CCN3: variants seen among roughly 807,000 people sequenced by gnomAD.
CCN3 encodes cellular communication network factor 3, also known as CCN family member 3.
CCN3 carries 20 observed loss-of-function variants against 33.4 expected under a neutral mutation model. That is an observed-to-expected ratio of 0.60 (90% confidence interval 0.42 to 0.87). CCN3 has a LOEUF of 0.87. Ranked by LOEUF, CCN3 falls within the 40% of genes least tolerant of loss-of-function variation. The pLI is 0.00. For synonymous variants in CCN3, 205 were observed against 170.4 expected (o/e 1.20, Z -1.58); for missense variants, 465 against 455.3 (o/e 1.02, Z -0.19).
intron 4 of CCN3, among the ~76,000 whole-genome samples, chr8:119,421,558 A>T (rs1420807300): frequency 1.3e-5 from 2 of 152,268 alleles, no homozygotes; most frequent in Non-Finnish European, 2.9e-5. Context: ...GAAGGTGAAC[A>T]GTGGATAACT....
chr8:119,422,859 C>A lies in CCN3; in HGVS notation c.801C>A (p.Thr267=), dbSNP rs758169168. The A allele has an allele frequency of 5.6e-6, 9 of 1,608,628 alleles. No homozygotes were observed. The highest frequency in any genetic ancestry group is 5.5e-5 in the South Asian group (5 of 90,872). ...AGAAAGGAAAAAAGTGTCTCCGCAC[C>A]AAGAAGTCACTCAAAGCCATCCACC... ...TDKKGKKCLR[T]KKSLKAIHLQ... The change falls in exon 5 of 5, where the codon ACC becomes ACA. Residue 267 remains threonine, a synonymous_variant. Transcript: ENST00000259526.
chr8:119,416,544 G>A lies in CCN3; in HGVS notation c.12G>A (p.Val4=). The A allele has an allele frequency of 6.2e-7, 1 of 1,613,980 alleles. No individual in the cohort carries two copies. The highest frequency in any genetic ancestry group is 8.5e-7 in the Non-Finnish European group (1 of 1,179,962). ...GGGAAAGCCTGAGCATGCAGAGTGT[G>A]CAGAGCACGAGCTTTTGTCTCCGAA... MQS[V]QSTSFCLRKQ... The change falls in exon 1 of 5, where the codon GTG becomes GTA. Residue 4 remains valine, a synonymous_variant. Transcript: ENST00000259526.
chr8:119,422,548 G>A (rs546297065), intron 4 of CCN3, among the ~76,000 whole-genome samples: 5 of 152,248 alleles, frequency 3.3e-5, no homozygotes, highest in African/African-American at 1.2e-4. Flanking sequence ...CAGGAAGAAA[G>A]GAAAATGAAT....
intron 3 of CCN3, among the ~76,000 whole-genome samples, chr8:119,418,840 T>A (rs1820087440): frequency 6.6e-6 from 1 of 152,174 alleles, no homozygotes; most frequent in South Asian, 2.1e-4. Context: ...TGAAATAGTT[T>A]AAATAAAAAA....
In CCN3 at chr8:119,417,952, G is replaced by A. The variant is rs1316957757; in HGVS notation, c.311-106G>A. The A allele has an allele frequency of 1.4e-5, 16 of 1,171,888 alleles. No individual in the cohort carries two copies. In the East Asian group the frequency reaches 3.8e-4, roughly 28 times the overall value. 72.6% of individuals were successfully genotyped at this position (1,171,888 alleles called of 1,614,324 possible). A position where few individuals can be genotyped will look rare whatever the true frequency, so the allele number is the denominator to read the frequency against. ...GATCGCCTGAACTAGAAAAGGACTT[G>A]GGTTTTGGAACATGCCCTCCAAATC... On this transcript the variant is annotated intron_variant, in intron 2 of 4. Coordinates refer to ENST00000259526, the MANE Select transcript of CCN3 (RefSeq NM_002514.4).
intron 4 of CCN3, among the ~76,000 whole-genome samples, chr8:119,421,971 A>T (rs1264470305): frequency 6.6e-6 from 1 of 152,226 alleles, no homozygotes; most frequent in East Asian, 1.9e-4. Context: ...TTTTTATAAC[A>T]TGTTGTATTA....
intron 4 of CCN3, among the ~76,000 whole-genome samples, chr8:119,421,523 C>T (rs1409216520): frequency 6.6e-6 from 1 of 152,154 alleles, no homozygotes; most frequent in Non-Finnish European, 1.5e-5. Flanking sequence ...GTCTAATCAC[C>T]CCACAAGCTG....
At position 119,418,274 on chromosome 8, in the gene CCN3, A is replaced by G. The variant is rs774707884; in HGVS notation, c.527A>G (p.Asp176Gly). The change falls in exon 3 of 5, where the codon GAT (aspartate) becomes GGT (glycine). Residue 176 changes from aspartate (D) to glycine (G), a missense_variant. Coordinates refer to ENST00000259526, the MANE Select transcript of CCN3 (RefSeq NM_002514.4). ...ECCEKWICGP[D>G]EEDSLGGLTL... Reference sequence around the variant, plus strand: ...TGTGAAAAGTGGATCTGTGGCCCAGATGAGGAGGATTCACTGGGAGGCCTT... The same window carrying G: ...TGTGAAAAGTGGATCTGTGGCCCAGGTGAGGAGGATTCACTGGGAGGCCTT... 10 of 1,614,038 alleles carry G rather than the reference A, an allele frequency of 6.2e-6. No individual in the cohort carries two copies. The Admixed American group carries it at 1.7e-4, about 27-fold the overall frequency.
chr8:119,419,093 G>T (rs1308484895), intron 3 of CCN3, 38 bp from the exon 4 acceptor site: 17 of 1,536,740 alleles, frequency 1.1e-5, no homozygotes, highest in Non-Finnish European at 1.5e-5. Flanking sequence ...TCCTCACATT[G>T]TACCTAATAT....
chr8:119,421,925 T>C (rs1159038374), intron 4 of CCN3, among the ~76,000 whole-genome samples: 1 of 152,236 alleles, frequency 6.6e-6, no homozygotes, highest in Admixed American at 6.5e-5. Context: ...TGAAGAGTAT[T>C]TGAAACATAA....
At position 119,419,306 on chromosome 8, in the gene CCN3, G is replaced by A. The variant is rs777234634; in HGVS notation, c.738G>A (p.Val246=). The A allele has an allele frequency of 6.1e-5, 99 of 1,613,930 alleles. No individual in the cohort carries two copies. Among genetic ancestry groups the A allele is most frequent in the Non-Finnish European group, 8.2e-5 (97 of 1,180,040 alleles). ...EMLKQTRLCM[V]RPCEQEPEQP... is the part of the protein sequence containing the mutation. Reference sequence around the variant, plus strand: ...TGAAACAGACTCGGCTCTGCATGGTGCGGCCCTGTGAACAAGAGCCAGAGC... The same window carrying A: ...TGAAACAGACTCGGCTCTGCATGGTACGGCCCTGTGAACAAGAGCCAGAGC... Residue 246 remains valine (V), a synonymous_variant, in exon 4 of 5, where the codon GTG becomes GTA. Transcript: ENST00000259526.
intron 4 of CCN3, among the ~76,000 whole-genome samples, chr8:119,419,579 G>T (rs1378878309): frequency 1.3e-5 from 2 of 152,244 alleles, no homozygotes; most frequent in African/African-American, 4.8e-5. Flanking sequence ...GAGGGAGAGG[G>T]ACCGGAAAAC....
intron 4 of CCN3, among the ~76,000 whole-genome samples, chr8:119,422,187 G>T (rs1219631372): frequency 6.6e-6 from 1 of 151,726 alleles, no homozygotes; most frequent in Non-Finnish European, 1.5e-5. Context: ...AGAGAGAAAG[G>T]CAGAAAGAGA....
Position 119,416,599 on chromosome 8 carries a change from C to T in CCN3, c.67C>T (p.Leu23Phe). 1 of 1,613,846 alleles carries T rather than the reference C, an allele frequency of 6.2e-7. No individual in the cohort carries two copies. Among genetic ancestry groups the T allele is most frequent in the Non-Finnish European group, 8.5e-7 (1 of 1,179,912 alleles). ...GTGCCTTTGCCTGACCTTCCTGCTT[C>T]TCCATCTCCTGGGACAGGTAAGTGG... ...KQCLCLTFLL[L>F]HLLGQVAATQ... Residue 23 changes from leucine to phenylalanine, a missense_variant, in exon 1 of 5, where the codon CTC (leucine) becomes TTC (phenylalanine). Physicochemically the swap from Leu to Phe is conservative, Grantham distance 22. Transcript: ENST00000259526.
rs1820152253 is a variant in CCN3 at position 119,423,197 on chromosome 8, A to G, written c.*65A>G. On this transcript the variant is annotated 3_prime_UTR_variant, in exon 5 of 5. Transcript: ENST00000259526. The stretch of plus-strand genomic sequence containing the variant: ...TGCTGCGCCACCCACCATCAAAGGA[A>G]TATAAGAAAAGTAATGAAGAATCAC... 1 of 1,435,400 alleles carries G rather than the reference A, an allele frequency of 7.0e-7. No individual in the cohort carries two copies. Among genetic ancestry groups the G allele is most frequent in the Non-Finnish European group, 9.5e-7 (1 of 1,049,298 alleles). The allele number at this position is 1,435,400 out of a possible 1,614,324, so 88.9% of individuals were successfully genotyped here.
At chr8:119,420,749 G>T (rs909931517) in intron 4 of CCN3, among the ~76,000 whole-genome samples, 1 of 152,104 alleles carries the variant, frequency 6.6e-6, no homozygotes, top group Non-Finnish European at 1.5e-5. Flanking sequence ...AAAGTAAGAA[G>T]AAGTCCTTAA....
Position 119,419,316 on chromosome 8 carries a change from G to A in CCN3, c.748G>A (p.Glu250Lys). The A allele has an allele frequency of 6.2e-7, 1 of 1,613,962 alleles. No individual in the cohort carries two copies. The highest frequency in any genetic ancestry group is 1.3e-5 in the African/African-American group (1 of 75,046). Residue 250 changes from glutamate to lysine, a missense_variant, in exon 4 of 5, where the codon GAA (glutamate) becomes AAA (lysine). By Grantham distance (56) the Glu-to-Lys change is moderately conservative. Transcript: ENST00000259526. ...TCGGCTCTGCATGGTGCGGCCCTGTGAACAAGAGCCAGAGCAGCCAACAGA... is the reference window on the plus strand; with the variant it reads ...TCGGCTCTGCATGGTGCGGCCCTGTAAACAAGAGCCAGAGCAGCCAACAGA... ...QTRLCMVRPC[E>K]QEPEQPTDKK... is the part of the protein sequence containing the mutation.
At position 119,416,733 on chromosome 8, in the gene CCN3, C is replaced by T; in HGVS notation, c.85-11C>T. The T allele has an allele frequency of 6.3e-7, 1 of 1,581,090 alleles. No homozygotes were observed. Among genetic ancestry groups the T allele is most frequent in the Non-Finnish European group, 8.6e-7 (1 of 1,162,572 alleles). On this transcript the variant is annotated splice_polypyrimidine_tract_variant and intron_variant, in intron 1 of 4. Coordinates refer to ENST00000259526, the MANE Select transcript of CCN3 (RefSeq NM_002514.4). ...AGCTGAGTGGTTTCTCCTTGTCTCG[C>T]CTGCCTTCAGGTCGCTGCGACTCAG...
chr8:119,416,634 A>T lies in CCN3; in HGVS notation c.84+18A>T. 6.2e-7 allele frequency: 1 copy of T among 1,611,476 alleles called. No homozygotes were observed. The highest frequency in any genetic ancestry group is 1.1e-5 in the South Asian group (1 of 90,434). ...TGGGACAGGTAAGTGGCACACCCTT[A>T]AGATGCCCCCAAGTTACTTTGCCCG... On this transcript the variant is annotated intron_variant, in intron 1 of 4. Transcript: ENST00000259526.
Sources: allele counts gnomAD v4.1 joint callset (sites outside exome capture counted in the v4.1 genomes callset), GRCh38; gene constraint gnomAD v4.1.1; transcripts MANE v1.5; gene names NCBI Gene and HGNC (gene_info 2026-07-23, HGNC 2026-07-21).